TCF4: variants seen among roughly 807,000 people sequenced by gnomAD.
The protein encoded by TCF4 is SL3-3 enhancer factor 2.
In TCF4, 3 loss-of-function variants were observed where a neutral mutation model predicts 82.1. The observed-to-expected ratio is 0.04, with a 90% CI of 0.02 to 0.09. The LOEUF (loss-of-function observed/expected upper bound fraction) is 0.09, where lower values mean the gene tolerates loss of function less well. Ranked by LOEUF, TCF4 falls within the 10% of genes least tolerant of loss-of-function variation. The pLI is 1.00. For missense variants in TCF4, 518 were observed against 852.7 expected (o/e 0.61, Z 4.89); for synonymous variants, 276 against 309.6 (o/e 0.89, Z 1.14).
chr18:55,326,587 T>C (rs926599702), intron 8 of TCF4, among the ~76,000 whole-genome samples: 3 of 152,124 alleles, frequency 2.0e-5, no homozygotes, highest in African/African-American at 4.8e-5. Flanking sequence ...ATTATGTATG[T>C]ACTTAAAAAT....
At chr18:55,514,325 A>G (rs909676492) in intron 3 of TCF4, among the ~76,000 whole-genome samples, 1 of 151,950 alleles carries the variant, frequency 6.6e-6, no homozygotes, top group South Asian at 2.1e-4. Flanking sequence ...CAGTGACTCA[A>G]TCACTGAGCA....
chr18:55,625,240 CTTTT>C (rs1212898000), intron 2 of TCF4, among the ~76,000 whole-genome samples: 2 of 141,880 alleles, frequency 1.4e-5, no homozygotes. Context: ...CAAGCTACAA[CTTTT>C]TTTTTTTTTT....
chr18:55,296,880 C>T (rs1177444330), intron 8 of TCF4, among the ~76,000 whole-genome samples: 1 of 152,092 alleles, frequency 6.6e-6, no homozygotes, highest in Non-Finnish European at 1.5e-5. Flanking sequence ...AACTGATTTG[C>T]CGTTGAACTA....
chr18:55,476,667 T>G (rs970472112), intron 3 of TCF4, among the ~76,000 whole-genome samples: 1 of 151,892 alleles, frequency 6.6e-6, no homozygotes, highest in Non-Finnish European at 1.5e-5. Context: ...AGGGTCTCAC[T>G]ATGTTGCTCA....
chr18:55,255,232 G>A (rs977939972), intron 14 of TCF4, among the ~76,000 whole-genome samples: 5 of 152,094 alleles, frequency 3.3e-5, no homozygotes, highest in South Asian at 2.1e-4. Context: ...AGTTTTTACC[G>A]GTGTTTCTGG....
chr18:55,288,262 G>T (rs543361482), intron 8 of TCF4, among the ~76,000 whole-genome samples: 189 of 152,214 alleles, frequency 1.2e-3, no homozygotes, highest in East Asian at 5.8e-4. Context: ...AAACAGAAAA[G>T]AAGTCATTTT....
chr18:55,381,617 T>C (rs2091907440), intron 6 of TCF4, among the ~76,000 whole-genome samples: 1 of 152,224 alleles, frequency 6.6e-6, no homozygotes, highest in Non-Finnish European at 1.5e-5. Context: ...AGAAGACAAG[T>C]GTAGCATTCA....
chr18:55,228,136 A>C, intron 19 of TCF4, 85 bp downstream of exon 19: 1 of 1,554,568 alleles, frequency 6.4e-7, no homozygotes, highest in Non-Finnish European at 8.9e-7. Context: ...ATATCTGTCA[A>C]TTTGGGTGAA....
chr18:55,553,613 G>A (rs1301083708), intron 3 of TCF4, among the ~76,000 whole-genome samples: 3 of 152,164 alleles, frequency 2.0e-5, no homozygotes, highest in Admixed American at 2.0e-4. Context: ...TTTAGTTTGG[G>A]TGGTAAAGTT....
exon 1 of TCF4, chr18:55,635,778 A>T: frequency 1.3e-6 from 2 of 1,550,946 alleles, no homozygotes; most frequent in South Asian, 2.4e-5. Flanking sequence ...GAGAAGTTTT[A>T]AAAAATGATG....
At chr18:55,339,539 C>T (rs886455698) in intron 8 of TCF4, among the ~76,000 whole-genome samples, 1 of 152,116 alleles carries the variant, frequency 6.6e-6, no homozygotes, top group African/African-American at 2.4e-5. Flanking sequence ...AGGGTGTACA[C>T]GGAAGAAGTT....
chr18:55,535,657 C>A (rs1568339184), intron 3 of TCF4, among the ~76,000 whole-genome samples: 1 of 152,120 alleles, frequency 6.6e-6, no homozygotes, highest in East Asian at 1.9e-4. Context: ...AAAGCAAAAT[C>A]ATCTCCTTTT....
chr18:55,360,626 A>C (rs564392553), intron 6 of TCF4, among the ~76,000 whole-genome samples: 114 of 152,222 alleles, frequency 7.5e-4, no homozygotes, highest in Non-Finnish European at 9.6e-4. Context: ...AACCATACAT[A>C]ATATGTAAAT....
upstream of TCF4, among the ~76,000 whole-genome samples, chr18:55,590,379 T>C (rs1324045724): frequency 6.6e-6 from 1 of 152,194 alleles, no homozygotes; most frequent in African/African-American, 2.4e-5. Context: ...GCGCTGGAAG[T>C]GTGTGAACTT....
intron 8 of TCF4, among the ~76,000 whole-genome samples, chr18:55,311,794 C>T (rs2072549225): frequency 6.6e-6 from 1 of 152,170 alleles, no homozygotes; most frequent in African/African-American, 2.4e-5. Context: ...ACTAAATGTT[C>T]TGAACTACAT....
At chr18:55,231,516 T>C (rs1477877594) in intron 17 of TCF4, 2 of 152,188 alleles carry the variant, frequency 1.3e-5, no homozygotes, top group African/African-American at 4.8e-5. Flanking sequence ...AAAGAATCCA[T>C]TAACATGCAT....
At chr18:55,532,892 C>G (rs2097079577) in intron 3 of TCF4, among the ~76,000 whole-genome samples, 1 of 152,032 alleles carries the variant, frequency 6.6e-6, no homozygotes, top group South Asian at 2.1e-4. Context: ...CTTAACTTAC[C>G]TCTCTGTGAA....
intron 2 of TCF4, among the ~76,000 whole-genome samples, chr18:55,629,971 C>T (rs2097730050): frequency 1.3e-5 from 2 of 152,254 alleles, no homozygotes; most frequent in South Asian, 4.1e-4. Flanking sequence ...GAATGTCATG[C>T]CCTTGGCTCA....
chr18:55,634,924 G>T (rs554782201), intron 1 of TCF4, among the ~76,000 whole-genome samples: 2 of 152,256 alleles, frequency 1.3e-5, no homozygotes, highest in Non-Finnish European at 2.9e-5. Flanking sequence ...GTCGTAAGGG[G>T]GTGCTGTTTT....
Sources: allele counts gnomAD v4.1 joint callset (sites outside exome capture counted in the v4.1 genomes callset), GRCh38; gene constraint gnomAD v4.1.1; transcripts MANE v1.5; gene names NCBI Gene and HGNC (gene_info 2026-07-23, HGNC 2026-07-21).